Variants in RAB6A observed in about 807,000 individuals in gnomAD.
RAB6A encodes RAB6A, member RAS oncogene family.
RAB6A carries 8 observed loss-of-function variants against 32.3 expected under a neutral mutation model. The observed-to-expected ratio is 0.25, with a 90% CI of 0.15 to 0.45. The LOEUF (loss-of-function observed/expected upper bound fraction) is 0.45. RAB6A is among the 20% of genes least tolerant of loss of function. The probability of loss-of-function intolerance (pLI) is 1.00; values close to 1 mark genes in which losing one functional copy is unlikely to be tolerated. For missense variants in RAB6A, 104 were observed against 249.4 expected (o/e 0.42, Z 3.93); for synonymous variants, 73 against 82.1 (o/e 0.89, Z 0.60).
At chr11:73,722,061 T>TTTTTTTTTTTTTTTTGGAG (rs1264423078) in intron 2 of RAB6A, among the ~76,000 whole-genome samples, 12 of 151,066 alleles carry the variant, frequency 7.9e-5, no homozygotes, top group Admixed American at 1.3e-4. Context: ...GCCATGATTG[T>TTTTTTTTTTTTTTTTGGAG]AAGTTTCCTG....
At chr11:73,681,060 A>G (rs1945349071) in intron 6 of RAB6A, among the ~76,000 whole-genome samples, 1 of 152,230 alleles carries the variant, frequency 6.6e-6, no homozygotes, top group African/African-American at 2.4e-5. Flanking sequence ...AATTAAGCAC[A>G]CAGTGTAAAC....
chr11:73,717,276 T>C (rs1946066153), intron 4 of RAB6A, among the ~76,000 whole-genome samples: 1 of 152,226 alleles, frequency 6.6e-6, no homozygotes, highest in African/African-American at 2.4e-5. Flanking sequence ...ATAGTAACAG[T>C]ATTACTAGTC....
intron 6 of RAB6A, among the ~76,000 whole-genome samples, chr11:73,681,305 T>A (rs1174010685): frequency 1.3e-5 from 2 of 152,212 alleles, no homozygotes; most frequent in South Asian, 4.1e-4. Flanking sequence ...AATACAGATG[T>A]AACAAGGTCC....
At chr11:73,705,977 G>GA (rs1324979890) in intron 6 of RAB6A, among the ~76,000 whole-genome samples, 3 of 151,454 alleles carry the variant, frequency 2.0e-5, no homozygotes, top group Admixed American at 6.6e-5. Flanking sequence ...TTAGGAAAGG[G>GA]AAAAAAAATG....
intron 1 of RAB6A, among the ~76,000 whole-genome samples, chr11:73,757,021 A>C (rs555975912): frequency 7.0e-6 from 1 of 143,794 alleles, no homozygotes; most frequent in Non-Finnish European, 1.5e-5. Context: ...GTTAAGATTG[A>C]TGTCATTAAC....
intron 2 of RAB6A, among the ~76,000 whole-genome samples, chr11:73,722,056 G>GTGTGTGTGTGTATATATATATATATATAT (rs1555061901): frequency 6.6e-6 from 1 of 150,938 alleles, no homozygotes; most frequent in Non-Finnish European, 1.5e-5. Flanking sequence ...CTTCTGCCAT[G>GTGTGTGTGTGTATATATATATATATATAT]ATTGTAAGTT....
rs3046616 is a variant in RAB6A at position 73,705,767 on chromosome 11, T to TGAGAGAGAGAGAGAGAGA, written c.495+1635_495+1652dup. Among the ~76,000 whole-genome samples, 131 of 134,820 alleles carry TGAGAGAGAGAGAGAGAGA rather than the reference T, an allele frequency of 9.7e-4. 1 individual carries two copies. Among genetic ancestry groups the TGAGAGAGAGAGAGAGAGA allele is most frequent in the African/African-American group, 2.6e-3 (91 of 35,482 alleles). The allele number at this position is 134,820 out of a possible 152,430, so 88.4% of individuals were successfully genotyped here. On this transcript the variant is annotated intron_variant, in intron 6 of 7. Transcript: ENST00000336083. Reference sequence around the variant, plus strand: ...AGGTTCTGGGAATATATAATTCCGATGAGAGAGAGAGAGAGAGAGAGAGAG... The same window carrying TGAGAGAGAGAGAGAGAGA: ...AGGTTCTGGGAATATATAATTCCGATGAGAGAGAGAGAGAGAGAGAGAGAGAGAGAGAGAGAGAGAGAG...
chr11:73,720,583 G>A lies in RAB6A; in HGVS notation c.183+263C>T, dbSNP rs78798212. 5.3e-3 allele frequency among the ~76,000 whole-genome samples: 813 copies of A among 152,222 alleles called. 7 individuals carry two copies. Among genetic ancestry groups the A allele is most frequent in the African/African-American group, 0.018 (741 of 41,536 alleles). On this transcript the variant is annotated intron_variant, in intron 3 of 7. Transcript: ENST00000336083. ...AAATCTTTTTGAATGCCTCAAGGGT[G>A]GCATTTAGAAGGTCTTTAGCAGGTT...
At chr11:73,698,655 G>C (rs1945692416) in intron 6 of RAB6A, among the ~76,000 whole-genome samples, 1 of 151,990 alleles carries the variant, frequency 6.6e-6, no homozygotes, top group Non-Finnish European at 1.5e-5. Flanking sequence ...TAAGCACCTA[G>C]ATATTGTATA....
intron 2 of RAB6A, among the ~76,000 whole-genome samples, chr11:73,723,639 T>C (rs912182256): frequency 6.6e-6 from 1 of 151,986 alleles, no homozygotes; most frequent in African/African-American, 2.4e-5. Context: ...GAAAGAAATA[T>C]TTATTGATTG....
intron 6 of RAB6A, among the ~76,000 whole-genome samples, chr11:73,699,110 C>T (rs1006492158): frequency 1.3e-5 from 2 of 152,150 alleles, no homozygotes; most frequent in Non-Finnish European, 2.9e-5. Flanking sequence ...ACCTTGGCCT[C>T]CCAAGGTGCT....
intron 1 of RAB6A, among the ~76,000 whole-genome samples, chr11:73,753,946 A>G (rs1421969281): frequency 1.3e-5 from 2 of 152,242 alleles, no homozygotes; most frequent in Non-Finnish European, 2.9e-5. Context: ...GCAATTTTCA[A>G]TAAAGATTTG....
chr11:73,712,978 A>C (rs1000193739), intron 5 of RAB6A, among the ~76,000 whole-genome samples: 1 of 152,006 alleles, frequency 6.6e-6, no homozygotes, highest in Non-Finnish European at 1.5e-5. Context: ...TCGGATTGCC[A>C]AAGTGCTGGG....
chr11:73,724,383 CT>C (rs1423351293), intron 2 of RAB6A, among the ~76,000 whole-genome samples: 26 of 151,878 alleles, frequency 1.7e-4, no homozygotes, highest in Non-Finnish European at 3.4e-4. Context: ...TCTTCCTTCT[CT>C]GAAAATAGCA....
At chr11:73,717,953 A>T (rs987905790) in intron 4 of RAB6A, among the ~76,000 whole-genome samples, 107 of 152,358 alleles carry the variant, frequency 7.0e-4, no homozygotes, top group African/African-American at 2.5e-3. Flanking sequence ...ACAATCACTT[A>T]AAAGGCCACA....
intron 2 of RAB6A, 127 bp from the exon 3 acceptor site, chr11:73,721,026 A>C: frequency 1.4e-6 from 1 of 692,820 alleles, no homozygotes; most frequent in Non-Finnish European, 2.5e-6. Flanking sequence ...ATAGTCAATT[A>C]AGGACAATTA....
At chr11:73,710,729 TCA>T (rs1945943442) in intron 5 of RAB6A, among the ~76,000 whole-genome samples, 1 of 150,314 alleles carries the variant, frequency 6.7e-6, no homozygotes, top group Non-Finnish European at 1.5e-5. Context: ...AGAGAGAGAC[TCA>T]GTCTTGAAAA....
intron 1 of RAB6A, among the ~76,000 whole-genome samples, chr11:73,745,658 C>CTA (rs1946576822): frequency 6.6e-6 from 1 of 152,016 alleles, no homozygotes; most frequent in African/African-American, 2.4e-5. Flanking sequence ...TGGTGAAACC[C>CTA]TGTCTCTACT....
At position 73,713,775 on chromosome 11, in the gene RAB6A, C is replaced by T. The variant is rs1267338369; in HGVS notation, c.401+2476G>A. Among the ~76,000 whole-genome samples, 4 of 151,962 alleles carry T rather than the reference C, an allele frequency of 2.6e-5. No homozygotes were observed. In the East Asian group the frequency reaches 7.7e-4, roughly 29 times the overall value. On this transcript the variant is annotated intron_variant, in intron 5 of 7. Coordinates refer to ENST00000336083, the MANE Select transcript of RAB6A (RefSeq NM_198896.2). ...CCATTTGAAAATCATTTTAGTGGAACGAACAAGCTGTAATTCTTTTAAATG... is the reference window on the plus strand; with the variant it reads ...CCATTTGAAAATCATTTTAGTGGAATGAACAAGCTGTAATTCTTTTAAATG...
Sources: gnomAD v4.1 joint callset for allele counts (sites outside exome capture counted in the v4.1 genomes callset) on GRCh38, gnomAD v4.1.1 for gene constraint, MANE v1.5 for transcripts, NCBI Gene and HGNC (gene_info 2026-07-23, HGNC 2026-07-21) for gene names.